The following CACNA2D3 variants were observed in gnomAD, a reference collection of about 807,000 sequenced individuals.
The protein encoded by CACNA2D3 is calcium voltage-gated channel auxiliary subunit alpha2delta 3.
In CACNA2D3, 60 loss-of-function variants were observed where a neutral mutation model predicts 160.6. That is an observed-to-expected ratio of 0.37 (90% CI 0.30 to 0.46). The LOEUF is 0.46. CACNA2D3 is among the 20% of genes least tolerant of loss of function. The pLI is 1.00. For missense variants in CACNA2D3, 1,205 were observed against 1,365.0 expected, an observed-to-expected ratio of 0.88 and a Z score of 1.85; for synonymous variants, 558 against 492.9, an observed-to-expected ratio of 1.13 and a Z score of -1.75.
At chr3:54,666,987 C>T (rs1461013078) in intron 11 of CACNA2D3, among the ~76,000 whole-genome samples, 5 of 152,136 alleles carry the variant, frequency 3.3e-5, no homozygotes, top group African/African-American at 9.7e-5. Context: ...CTCTAGCGGT[C>T]GATTTTCCTC....
At chr3:54,426,454 A>G (rs565793896) in intron 4 of CACNA2D3, among the ~76,000 whole-genome samples, 6 of 152,326 alleles carry the variant, frequency 3.9e-5, no homozygotes, top group Non-Finnish European at 8.8e-5. Context: ...TGTTTCTCAC[A>G]TTAAATTTAC....
intron 11 of CACNA2D3, among the ~76,000 whole-genome samples, chr3:54,662,283 A>T (rs530920951): frequency 2.6e-5 from 4 of 152,192 alleles, no homozygotes; most frequent in Non-Finnish European, 5.9e-5. Context: ...AAATAACTCA[A>T]ACTTTCATGG....
intron 31 of CACNA2D3, among the ~76,000 whole-genome samples, chr3:54,991,075 A>C (rs567623111): frequency 1.3e-5 from 2 of 151,714 alleles, no homozygotes; most frequent in Non-Finnish European, 2.9e-5. Context: ...CACCCACCAG[A>C]CTCCAGGCTT....
intron 2 of CACNA2D3, among the ~76,000 whole-genome samples, chr3:54,318,693 C>CTT (rs376114168): frequency 0.013 from 1,690 of 129,736 alleles, 50 homozygotes; most frequent in South Asian, 0.053. Context: ...AGAGGAGTAT[C>CTT]TTTTTTTTTT....
chr3:55,055,873 A>G (rs1002838955), intron 35 of CACNA2D3, among the ~76,000 whole-genome samples: 1 of 152,154 alleles, frequency 6.6e-6, no homozygotes, highest in African/African-American at 2.4e-5. Context: ...GCTAAAAACT[A>G]CACATTGGTC....
At chr3:54,208,770 G>A (rs575120409) in intron 2 of CACNA2D3, among the ~76,000 whole-genome samples, 1 of 151,126 alleles carries the variant, frequency 6.6e-6, no homozygotes, top group African/African-American at 2.4e-5. Flanking sequence ...TTATCACAAT[G>A]TATTTGGTGT....
chr3:54,891,731 G>T (rs1283437542), intron 25 of CACNA2D3, among the ~76,000 whole-genome samples: 2 of 152,206 alleles, frequency 1.3e-5, no homozygotes, highest in Non-Finnish European at 2.9e-5. Context: ...AGAACTCTGG[G>T]AGGTGGTGCG....
intron 5 of CACNA2D3, among the ~76,000 whole-genome samples, chr3:54,525,619 C>CT (rs1213395890): frequency 2.0e-5 from 3 of 151,974 alleles, no homozygotes; most frequent in African/African-American, 4.8e-5. Flanking sequence ...CAGTTTTGTT[C>CT]TTTGACACTT....
intron 2 of CACNA2D3, among the ~76,000 whole-genome samples, chr3:54,307,727 A>G (rs1481785375): frequency 6.6e-6 from 1 of 152,178 alleles, no homozygotes; most frequent in East Asian, 1.9e-4. Flanking sequence ...AGCAGCTGCA[A>G]ATAGTATTAG....
At position 54,362,726 on chromosome 3, in the gene CACNA2D3, C is replaced by T. The variant is rs76181530; in HGVS notation, c.322-23989C>T. ...ATGGTGCACTCCCATTTTATAGTAT[C>T]AGAAGCATTGAGTGGGCACAGCTGA... On this transcript the variant is annotated intron_variant, in intron 3 of 37. Coordinates refer to ENST00000474759, the MANE Select transcript of CACNA2D3 (RefSeq NM_018398.3). Among the ~76,000 whole-genome samples the T allele has an allele frequency of 6.7e-3, 1,019 of 152,314 alleles. 7 individuals are homozygous for T. Among genetic ancestry groups the T allele is most frequent in the African/African-American group, 0.023 (955 of 41,580 alleles).
chr3:54,852,833 C>T (rs904722438), intron 17 of CACNA2D3, among the ~76,000 whole-genome samples: 3 of 152,170 alleles, frequency 2.0e-5, no homozygotes, highest in Non-Finnish European at 4.4e-5. Flanking sequence ...CATCAAACAT[C>T]AGTTTAAATA....
In CACNA2D3 at chr3:54,795,987, G is replaced by A. The variant is rs147288782; in HGVS notation, c.1381-20866G>A. Among the ~76,000 whole-genome samples the A allele has an allele frequency of 1.1e-4, 17 of 152,294 alleles. No individual in the cohort carries two copies. The East Asian group carries it at 3.3e-3, about 29-fold the overall frequency. On this transcript the variant is annotated intron_variant, in intron 13 of 37. Transcript: ENST00000474759. ...AGACTTGGGGGCTGGGGAACAAAAT[G>A]TAGTTTGAGAGAATCAGCAATCCCA...
intron 2 of CACNA2D3, among the ~76,000 whole-genome samples, chr3:54,142,297 C>G (rs1353045731): frequency 8.5e-5 from 13 of 152,200 alleles, no homozygotes; most frequent in Non-Finnish European, 4.4e-5. Flanking sequence ...TCCCTTGCCA[C>G]TATAGCAGCT....
chr3:54,812,030 A>T (rs1350077539), intron 13 of CACNA2D3, among the ~76,000 whole-genome samples: 1 of 152,188 alleles, frequency 6.6e-6, no homozygotes, highest in Admixed American at 6.5e-5. Flanking sequence ...ACCTGTCATT[A>T]CTGCTGTCTT....
chr3:54,133,672 G>C (rs1270115977), intron 2 of CACNA2D3, among the ~76,000 whole-genome samples: 1 of 152,180 alleles, frequency 6.6e-6, no homozygotes, highest in Non-Finnish European at 1.5e-5. Context: ...CTCCCTTTTT[G>C]TCATAATAAA....
chr3:54,810,633 T>A (rs1703282525), intron 13 of CACNA2D3, among the ~76,000 whole-genome samples: 1 of 152,244 alleles, frequency 6.6e-6, no homozygotes, highest in Non-Finnish European at 1.5e-5. Flanking sequence ...TTTTTTTGTT[T>A]TACACAGTTG....
chr3:55,023,757 G>T (rs1360664073), intron 35 of CACNA2D3, among the ~76,000 whole-genome samples: 5 of 151,708 alleles, frequency 3.3e-5, no homozygotes, highest in Non-Finnish European at 7.4e-5. Flanking sequence ...TAAGTTTTTT[G>T]TATTTAGGAA....
At chr3:54,268,089 G>T (rs1445993171) in intron 2 of CACNA2D3, among the ~76,000 whole-genome samples, 1 of 152,196 alleles carries the variant, frequency 6.6e-6, no homozygotes, top group East Asian at 1.9e-4. Context: ...AGAACAGTGT[G>T]CTGGTTTTGG....
rs192847354 is a variant in CACNA2D3 at position 54,341,581 on chromosome 3, C to T, written c.321+21023C>T. 1.9e-4 allele frequency among the ~76,000 whole-genome samples: 29 copies of T among 152,264 alleles called. No homozygotes were observed. In the East Asian group the frequency reaches 4.8e-3, roughly 25 times the overall value. ...ACACAGATAATTTAAAGCCTGGGAG[C>T]ATGAGTTTGGCATTATTACTGCTAC... On this transcript the variant is annotated intron_variant, in intron 3 of 37. Coordinates refer to ENST00000474759, the MANE Select transcript of CACNA2D3 (RefSeq NM_018398.3).
Sources: allele counts gnomAD v4.1 joint callset (sites outside exome capture counted in the v4.1 genomes callset), GRCh38; gene constraint gnomAD v4.1.1; transcripts MANE v1.5; gene names NCBI Gene and HGNC (gene_info 2026-07-23, HGNC 2026-07-21).